BTC: variants seen among roughly 807,000 people sequenced by gnomAD.
BTC encodes probetacellulin.
A neutral mutation model predicts 18.1 loss-of-function variants in BTC; 13 were observed. That is an observed-to-expected ratio of 0.72 (90% CI 0.47 to 1.14). The LOEUF is 1.14. Among genes scored for constraint, BTC ranks in the 50% most tolerant of loss-of-function variants. The pLI is 0.00. For missense variants in BTC, 247 were observed against 224.2 expected (o/e 1.10, Z -0.65); for synonymous variants, 83 against 79.4 (o/e 1.05, Z -0.24).
intron 1 of BTC, among the ~76,000 whole-genome samples, chr4:74,781,285 A>T (rs1303799717): frequency 2.0e-5 from 3 of 152,052 alleles, no homozygotes; most frequent in Non-Finnish European, 4.4e-5. Flanking sequence ...TACAGGGGAA[A>T]CCTTGGTTGA....
chr4:74,780,595 A>G (rs1725291382), intron 1 of BTC, among the ~76,000 whole-genome samples: 1 of 152,206 alleles, frequency 6.6e-6, no homozygotes, highest in Non-Finnish European at 1.5e-5. Flanking sequence ...TTTTTTGTCA[A>G]TGTCATTTAC....
chr4:74,771,366 T>C (rs748408556), intron 1 of BTC, among the ~76,000 whole-genome samples: 3 of 152,252 alleles, frequency 2.0e-5, no homozygotes, highest in Non-Finnish European at 4.4e-5. Flanking sequence ...ACCAGTTGTA[T>C]TGAAATTTAT....
chr4:74,757,422 C>A (rs1356599930), intron 2 of BTC, among the ~76,000 whole-genome samples: 1 of 152,138 alleles, frequency 6.6e-6, no homozygotes, highest in Non-Finnish European at 1.5e-5. Context: ...GCTTGAACTA[C>A]ATGCCAGATA....
intron 5 of BTC, among the ~76,000 whole-genome samples, chr4:74,747,068 G>A (rs1724311418): frequency 6.6e-6 from 1 of 152,226 alleles, no homozygotes; most frequent in South Asian, 2.1e-4. Context: ...TTTGACAAGT[G>A]TGAAGCCCAC....
rs1279768000 is a variant in BTC, at chr4:74,750,628, T to G, written c.373A>C (p.Ile125Leu). 6 of 1,613,828 alleles carry G rather than the reference T, an allele frequency of 3.7e-6. No individual in the cohort carries two copies. The highest frequency in any genetic ancestry group is 5.1e-6 in the Non-Finnish European group (6 of 1,179,940). The change falls in exon 4 of 6, where the codon ATA becomes CTA. Residue 125 changes from isoleucine (I) to leucine (L), a missense_variant. Coordinates refer to ENST00000395743, the MANE Select transcript of BTC (RefSeq NM_001729.4). ...DRGQILVICL[I>L]AVMVVFIILV... ...ATAATAAAAACTACCATAACTGCTATCAAACAAATCACCAGAATCTGTCCT... is the reference window on the plus strand; with the variant it reads ...ATAATAAAAACTACCATAACTGCTAGCAAACAAATCACCAGAATCTGTCCT...
At chr4:74,792,206 C>T (rs1390387599) in intron 1 of BTC, among the ~76,000 whole-genome samples, 1 of 152,130 alleles carries the variant, frequency 6.6e-6, no homozygotes, top group African/African-American at 2.4e-5. Context: ...GATCTAGAGA[C>T]CAAATTCAAT....
intron 1 of BTC, among the ~76,000 whole-genome samples, chr4:74,787,477 AT>A (rs542490167): frequency 9.2e-5 from 14 of 152,158 alleles, no homozygotes; most frequent in African/African-American, 2.7e-4. Context: ...AAATACTAAG[AT>A]TTTTTTTAAG....
intron 4 of BTC, 95 bp from the exon 5 acceptor site, chr4:74,748,244 T>C: frequency 1.2e-6 from 1 of 809,042 alleles, no homozygotes; most frequent in Non-Finnish European, 1.9e-6. Context: ...GTTTCTTTTT[T>C]TAAAAAAATA....
intron 1 of BTC, among the ~76,000 whole-genome samples, chr4:74,784,782 G>A (rs2109917157): frequency 6.6e-6 from 1 of 152,246 alleles, no homozygotes; most frequent in African/African-American, 2.4e-5. Context: ...AGCCAACTTG[G>A]TCGTGGTGGA....
At chr4:74,772,049 G>A (rs534191158) in intron 1 of BTC, among the ~76,000 whole-genome samples, 27 of 152,244 alleles carry the variant, frequency 1.8e-4, no homozygotes, top group South Asian at 8.3e-4. Context: ...ATAATATAGC[G>A]TGATCTGTTT....
intron 2 of BTC, among the ~76,000 whole-genome samples, chr4:74,764,999 T>A (rs186085437): frequency 1.8e-4 from 19 of 107,278 alleles, no homozygotes; most frequent in African/African-American, 1.1e-3. Flanking sequence ...TCAGGACTCG[T>A]GAGACTTATT....
intron 2 of BTC, among the ~76,000 whole-genome samples, chr4:74,766,288 A>G (rs1417345793): frequency 2.0e-5 from 3 of 152,044 alleles, no homozygotes; most frequent in African/African-American, 7.2e-5. Flanking sequence ...TCTTTCTTCA[A>G]TAATTAACTT....
intron 2 of BTC, among the ~76,000 whole-genome samples, chr4:74,757,284 G>A (rs1446900464): frequency 6.6e-6 from 1 of 152,194 alleles, no homozygotes; most frequent in Non-Finnish European, 1.5e-5. Flanking sequence ...AAGGACTTAG[G>A]ATGATCTAAA....
intron 2 of BTC, among the ~76,000 whole-genome samples, chr4:74,758,324 T>C (rs566932912): frequency 3.9e-5 from 6 of 152,282 alleles, no homozygotes; most frequent in African/African-American, 1.2e-4. Context: ...TGAAATTAAA[T>C]GGTATACATA....
At chr4:74,780,827 G>A (rs376267974) in intron 1 of BTC, among the ~76,000 whole-genome samples, 120 of 151,508 alleles carry the variant, frequency 7.9e-4, no homozygotes, top group African/African-American at 2.5e-3. Context: ...AAAATTCTTC[G>A]TTATTGGTTT....
intron 1 of BTC, among the ~76,000 whole-genome samples, chr4:74,779,212 A>C (rs1185330951): frequency 1.3e-5 from 2 of 152,204 alleles, no homozygotes; most frequent in African/African-American, 2.4e-5. Flanking sequence ...TTTTTAACTC[A>C]TAAAAGTACT....
intron 4 of BTC, among the ~76,000 whole-genome samples, chr4:74,748,581 G>A (rs2109875763): frequency 6.6e-6 from 1 of 152,184 alleles, no homozygotes; most frequent in South Asian, 2.1e-4. Flanking sequence ...TCTTTCTCTA[G>A]GTTCAGATGA....
chr4:74,749,586 T>C (rs1435830616), intron 4 of BTC, among the ~76,000 whole-genome samples: 2 of 151,362 alleles, frequency 1.3e-5, no homozygotes, highest in Non-Finnish European at 2.9e-5. Context: ...ACGAGAACCC[T>C]CTTTATGTGT....
At chr4:74,768,173 T>A (rs1409045426) in intron 2 of BTC, among the ~76,000 whole-genome samples, 13 of 152,146 alleles carry the variant, frequency 8.5e-5, no homozygotes, top group Non-Finnish European at 1.8e-4. Context: ...CTGCTTTTCC[T>A]GAAGACAATT....
Sources: allele counts gnomAD v4.1 joint callset (sites outside exome capture counted in the v4.1 genomes callset), GRCh38; gene constraint gnomAD v4.1.1; transcripts MANE v1.5; gene names NCBI Gene and HGNC (gene_info 2026-07-23, HGNC 2026-07-21).